The following ANO6 variants were observed in gnomAD, a reference collection of about 807,000 sequenced individuals.
The protein encoded by ANO6 is anoctamin 6.
In ANO6, 106 loss-of-function variants were observed where a neutral mutation model predicts 117.5. That is an observed-to-expected ratio of 0.90 (90% CI 0.77 to 1.06). The LOEUF (loss-of-function observed/expected upper bound fraction) is 1.06. Ranked by LOEUF, ANO6 falls within the 50% of genes least tolerant of loss-of-function variation. The pLI is 0.00. For missense variants in ANO6, 955 were observed against 1,121.1 expected, an observed-to-expected ratio of 0.85 and a Z score of 2.12; for synonymous variants, 367 against 385.1, an observed-to-expected ratio of 0.95 and a Z score of 0.55.
chr12:45,340,892 T>TGGC (rs1447497985), intron 3 of ANO6, among the ~76,000 whole-genome samples: 2 of 152,178 alleles, frequency 1.3e-5, no homozygotes, highest in African/African-American at 4.8e-5. Context: ...ATTTGACAAA[T>TGGC]ATAGCACATA....
intron 1 of ANO6, among the ~76,000 whole-genome samples, chr12:45,223,235 A>AC (rs1455686566): frequency 6.6e-6 from 1 of 152,112 alleles, no homozygotes; most frequent in Non-Finnish European, 1.5e-5. Context: ...AGGTAAAATG[A>AC]CCCGGGGCTT....
chr12:45,229,010 C>G (rs1000002986), intron 1 of ANO6, among the ~76,000 whole-genome samples: 1 of 152,062 alleles, frequency 6.6e-6, no homozygotes, highest in African/African-American at 2.4e-5. Context: ...AGAGACTAGG[C>G]CATGTACTGG....
chr12:45,293,746 T>TG (rs1243227593), intron 1 of ANO6, among the ~76,000 whole-genome samples: 2 of 139,792 alleles, frequency 1.4e-5, no homozygotes, highest in Non-Finnish European at 3.1e-5. Flanking sequence ...TTTTTTTTTT[T>TG]TTTTTTTTTT....
intron 1 of ANO6, among the ~76,000 whole-genome samples, chr12:45,282,995 G>A (rs1030640036): frequency 2.6e-5 from 4 of 152,020 alleles, no homozygotes; most frequent in Non-Finnish European, 2.9e-5. Context: ...TTTTTGTTCT[G>A]TATATTATAG....
intron 10 of ANO6, among the ~76,000 whole-genome samples, chr12:45,380,587 C>T (rs1942143899): frequency 6.6e-6 from 1 of 152,196 alleles, no homozygotes; most frequent in African/African-American, 2.4e-5. Flanking sequence ...CAGTTTCTGA[C>T]TTAAGTGACA....
At chr12:45,241,971 A>T (rs974118961) in intron 1 of ANO6, among the ~76,000 whole-genome samples, 8 of 152,072 alleles carry the variant, frequency 5.3e-5, no homozygotes, top group African/African-American at 1.4e-4. Flanking sequence ...TGCCTGTATG[A>T]GGTTTCTGTC....
rs141439880 is a variant in ANO6, at chr12:45,253,627, G to A, written c.70+37236G>A. Among the ~76,000 whole-genome samples the A allele has an allele frequency of 3.9e-5, 6 of 152,240 alleles. No individual in the cohort carries two copies. The East Asian group carries it at 1.2e-3, about 29-fold the overall frequency. On this transcript the variant is annotated intron_variant, in intron 1 of 19. Coordinates refer to ENST00000320560, the MANE Select transcript of ANO6 (RefSeq NM_001025356.3). ...AAATGTGTAATTGAGTTGTTCCACC[G>A]ATGTTACATGAATGTGCAGGTTACT... is the stretch of plus-strand genomic sequence containing the variant.
chr12:45,363,985 C>T (rs1941621587), intron 8 of ANO6, among the ~76,000 whole-genome samples: 1 of 152,174 alleles, frequency 6.6e-6, no homozygotes, highest in Non-Finnish European at 1.5e-5. Context: ...TATAGCAGGT[C>T]TCTGCCAACA....
In ANO6 at chr12:45,227,907, T is replaced by A. The variant is rs1016549617; in HGVS notation, c.70+11516T>A. 2.0e-5 allele frequency among the ~76,000 whole-genome samples: 3 copies of A among 152,210 alleles called. No individual in the cohort carries two copies. The East Asian group carries it at 5.8e-4, about 29-fold the overall frequency. On this transcript the variant is annotated intron_variant, in intron 1 of 19. Transcript: ENST00000320560. ...AAAGAGCAAAGCGATAATTATTGTG[T>A]GTGTTTTTTCCTATCTTGCAGATCT...
chr12:45,422,324 T>A (rs1207959478), intron 18 of ANO6, among the ~76,000 whole-genome samples: 1 of 152,174 alleles, frequency 6.6e-6, no homozygotes, highest in African/African-American at 2.4e-5. Flanking sequence ...AATAAATTTA[T>A]AAATATGATC....
chr12:45,402,921 A>G (rs1203064468), intron 13 of ANO6, 151 bp from the exon 14 acceptor site: 5 of 755,250 alleles, frequency 6.6e-6, no homozygotes, highest in African/African-American at 3.5e-5. Context: ...CAGTGGCTAT[A>G]TTAAGGAATT....
chr12:45,231,775 G>A (rs1470657149), intron 1 of ANO6, among the ~76,000 whole-genome samples: 1 of 152,136 alleles, frequency 6.6e-6, no homozygotes, highest in Non-Finnish European at 1.5e-5. Context: ...ACAAATCATA[G>A]AGGAGACATG....
chr12:45,416,945 T>C, intron 17 of ANO6, 41 bp downstream of exon 17: 1 of 1,595,108 alleles, frequency 6.3e-7, no homozygotes, highest in Non-Finnish European at 8.6e-7. Flanking sequence ...ACCTTGAAGA[T>C]GCATTAGATT....
chr12:45,384,768 A>G (rs928020772), intron 10 of ANO6, among the ~76,000 whole-genome samples: 1 of 152,220 alleles, frequency 6.6e-6, no homozygotes, highest in African/African-American at 2.4e-5. Context: ...AAAATTTGAA[A>G]TGTGAGAATT....
chr12:45,224,778 T>C (rs1947456355), intron 1 of ANO6, among the ~76,000 whole-genome samples: 1 of 152,230 alleles, frequency 6.6e-6, no homozygotes. Flanking sequence ...TCTACATTTA[T>C]TATTTTTTCT....
rs1398471394 is a variant in ANO6, at chr12:45,429,705, C to T, written c.*394C>T. On this transcript the variant is annotated 3_prime_UTR_variant, in exon 20 of 20. Coordinates refer to ENST00000320560, the MANE Select transcript of ANO6 (RefSeq NM_001025356.3). ...ATTTTTAAGCCATGTTTCATTTCTT[C>T]ACTTGGCTAGATCTGTTCCAGGGTC... is the stretch of plus-strand genomic sequence containing the variant. 9.0e-7 allele frequency: 1 copy of T among 1,115,332 alleles called. No homozygotes were observed. The highest frequency in any genetic ancestry group is 1.1e-6 in the Non-Finnish European group (1 of 909,242). The allele number at this position is 1,115,332 out of a possible 1,614,324, so 69.1% of individuals were successfully genotyped here.
At chr12:45,294,039 A>G (rs529371682) in intron 1 of ANO6, among the ~76,000 whole-genome samples, 2 of 152,126 alleles carry the variant, frequency 1.3e-5, no homozygotes, top group African/African-American at 4.8e-5. Context: ...TTGAAAGAAA[A>G]ATTTGAAGAA....
intron 8 of ANO6, among the ~76,000 whole-genome samples, chr12:45,365,814 C>T (rs1941669500): frequency 6.8e-6 from 1 of 147,284 alleles, no homozygotes; most frequent in Admixed American, 7.0e-5. Flanking sequence ...TGACATCAAG[C>T]ACTTGCTCCT....
intron 10 of ANO6, among the ~76,000 whole-genome samples, chr12:45,387,752 G>C (rs995026543): frequency 6.6e-6 from 1 of 152,082 alleles, no homozygotes; most frequent in African/African-American, 2.4e-5. Context: ...ATCTCATGTC[G>C]AATTATAATC....
Sources: allele counts gnomAD v4.1 joint callset (sites outside exome capture counted in the v4.1 genomes callset), GRCh38; gene constraint gnomAD v4.1.1; transcripts MANE v1.5; gene names NCBI Gene and HGNC (gene_info 2026-07-23, HGNC 2026-07-21).